The following HMCN1 variants were observed in gnomAD, a reference collection of about 807,000 sequenced individuals.
The protein encoded by HMCN1 is hemicentin 1.
HMCN1 carries 321 observed loss-of-function variants against 625.9 expected under a neutral mutation model. That is an observed-to-expected ratio of 0.51 (90% CI 0.47 to 0.56). The LOEUF (loss-of-function observed/expected upper bound fraction) is 0.56. HMCN1 is among the 20% of genes least tolerant of loss of function. The pLI is 0.00. For missense variants in HMCN1, 6,588 were observed against 6,887.3 expected (o/e 0.96, Z 1.54); for synonymous variants, 2,425 against 2,417.6 (o/e 1.00, Z -0.09).
chr1:186,023,029 G>C lies in HMCN1; in HGVS notation c.5626-1G>C. On this transcript the variant is annotated splice_acceptor_variant, in intron 35 of 106. Coordinates refer to ENST00000271588, the MANE Select transcript of HMCN1 (RefSeq NM_031935.3). LOFTEE classifies it high-confidence loss of function. ...CCTCTGTGCTTTCTGCTCCCAATTA[G>C]ATACAGTCTTCTGGTCGAGTTCTAC... 6.2e-7 allele frequency: 1 copy of C among 1,613,204 alleles called. No homozygotes were observed. The highest frequency in any genetic ancestry group is 8.5e-7 in the Non-Finnish European group (1 of 1,179,410).
chr1:186,045,825 C>T lies in HMCN1; in HGVS notation c.6442C>T (p.Pro2148Ser), dbSNP rs776707287. 6.2e-6 allele frequency: 10 copies of T among 1,612,644 alleles called. No individual in the cohort carries two copies. The highest frequency in any genetic ancestry group is 8.5e-6 in the Non-Finnish European group (10 of 1,178,872). Residue 2148 changes from proline to serine, a missense_variant, in exon 41 of 107, where the codon CCA (proline) becomes TCA (serine). By Grantham distance (74) the Pro-to-Ser change is moderately conservative. Around this residue, in one of 3 missense-constraint regions of HMCN1, gnomAD observed 4,628 missense variants for 4,853.1 expected, o/e 0.95. Coordinates refer to ENST00000271588, the MANE Select transcript of HMCN1 (RefSeq NM_031935.3). ...LKDGHPLLKK[P>S]GLSISENRSV... ...AGACGGCCACCCCTTGCTGAAGAAA[C>T]CAGGCCTCAGTATATCTGAAAATAG...
rs146130611 is a variant in HMCN1, at chr1:185,953,603, A to G, written c.1829-8915A>G. On this transcript the variant is annotated intron_variant, in intron 11 of 106. Coordinates refer to ENST00000271588, the MANE Select transcript of HMCN1 (RefSeq NM_031935.3). ...AGGGAGGTTGGAGAAGAGAGTAAAA[A>G]GAGGCCACTTACTGGATTTGAAATT... 7.1e-3 allele frequency among the ~76,000 whole-genome samples: 1,081 copies of G among 152,016 alleles called. 49 individuals are homozygous for G. Among genetic ancestry groups the G allele is most frequent in the Admixed American group, 0.06 (916 of 15,274 alleles).
At chr1:185,854,716 A>G (rs908729402) in intron 2 of HMCN1, among the ~76,000 whole-genome samples, 6 of 152,010 alleles carry the variant, frequency 3.9e-5, no homozygotes, top group African/African-American at 1.4e-4. Context: ...TTATTTCATC[A>G]TTTTTTAAAT....
chr1:185,866,397 A>ATTTTTT (rs969071873), intron 4 of HMCN1, among the ~76,000 whole-genome samples: 14 of 102,594 alleles, frequency 1.4e-4, no homozygotes, highest in Non-Finnish European at 2.2e-4. Flanking sequence ...GTTTGTCATA[A>ATTTTTT]TTTTTTTTTT....
At chr1:185,932,670 G>C (rs531903214) in intron 10 of HMCN1, among the ~76,000 whole-genome samples, 1 of 151,996 alleles carries the variant, frequency 6.6e-6, no homozygotes, top group Non-Finnish European at 1.5e-5. Context: ...GTTGAACGAT[G>C]AGAACACGTG....
At chr1:186,133,050 A>G (rs1168286626) in intron 86 of HMCN1, among the ~76,000 whole-genome samples, 1 of 152,132 alleles carries the variant, frequency 6.6e-6, no homozygotes, top group Non-Finnish European at 1.5e-5. Context: ...ATTGTTGGAC[A>G]TTTGGGTTGG....
In HMCN1 at chr1:186,189,681, A is replaced by G. The variant is rs1299679218; in HGVS notation, c.16711A>G (p.Met5571Val). ...GATGCATCCCAGGACAACTTTCCTCATGGTAGATGAGGAACAGACTGTTCC... is the reference window on the plus strand; with the variant it reads ...GATGCATCCCAGGACAACTTTCCTCGTGGTAGATGAGGAACAGACTGTTCC... Reference protein sequence around the residue: ...GVMHPRTTFLMVDEEQTVPFA... With the variant: ...GVMHPRTTFLVVDEEQTVPFA... Residue 5571 changes from methionine (M) to valine (V), a missense_variant, in exon 107 of 107, where the codon ATG becomes GTG. Physicochemically the swap from Met to Val is conservative, Grantham distance 21. This residue lies in a region of HMCN1 where 1,954 missense variants were observed against 2,013.1 expected (regional missense o/e 0.97). Transcript: ENST00000271588. 7 of 1,612,338 alleles carry G rather than the reference A, an allele frequency of 4.3e-6. No individual in the cohort carries two copies. The highest frequency in any genetic ancestry group is 2.2e-5 in the East Asian group (1 of 44,826).
chr1:185,959,530 A>C (rs192086433), intron 11 of HMCN1, among the ~76,000 whole-genome samples: 102 of 152,256 alleles, frequency 6.7e-4, no homozygotes, highest in African/African-American at 1.9e-3. Context: ...TTTTGTTATA[A>C]TTAAATAAAA....
At chr1:185,784,225 G>T (rs1294474232) in intron 1 of HMCN1, among the ~76,000 whole-genome samples, 1 of 152,168 alleles carries the variant, frequency 6.6e-6, no homozygotes, top group Non-Finnish European at 1.5e-5. Flanking sequence ...GGATGGGAGT[G>T]ACCCAATTTT....
At chr1:185,785,786 A>G (rs1464123806) in intron 1 of HMCN1, among the ~76,000 whole-genome samples, 3 of 152,208 alleles carry the variant, frequency 2.0e-5, no homozygotes, top group Admixed American at 2.0e-4. Flanking sequence ...AAAATCAAAC[A>G]TGTCATTGAC....
chr1:185,958,868 A>G (rs1048885624), intron 11 of HMCN1, among the ~76,000 whole-genome samples: 1 of 152,226 alleles, frequency 6.6e-6, no homozygotes, highest in Admixed American at 6.5e-5. Flanking sequence ...TGGTGGGTCT[A>G]GAGTTAGATA....
At chr1:185,883,329 A>G (rs368762434) in intron 4 of HMCN1, among the ~76,000 whole-genome samples, 3 of 152,174 alleles carry the variant, frequency 2.0e-5, no homozygotes, top group South Asian at 2.1e-4. Flanking sequence ...TGACAAATGT[A>G]TATGCTTATG....
At position 185,965,834 on chromosome 1, in the gene HMCN1, C is replaced by T. The variant is rs148678216; in HGVS notation, c.2131C>T (p.Leu711Phe). ...APKLMVVQSE[L>F]LVALGDITVM... ...TAAGTTGATGGTAGTTCAGAGTGAG[C>T]TCTTGGTTGCCCTTGGGGATATAAC... Residue 711 changes from leucine (L) to phenylalanine (F), a missense_variant, in exon 14 of 107, where the codon CTC (leucine) becomes TTC (phenylalanine). Physicochemically the swap from Leu to Phe is conservative, Grantham distance 22. Coordinates refer to ENST00000271588, the MANE Select transcript of HMCN1 (RefSeq NM_031935.3). 3 of 1,611,990 alleles carry T rather than the reference C, an allele frequency of 1.9e-6. No homozygotes were observed. The highest frequency in any genetic ancestry group is 1.3e-5 in the African/African-American group (1 of 74,772).
At chr1:186,113,049 C>T in intron 72 of HMCN1, 96 bp downstream of exon 72, 1 of 1,419,834 alleles carries the variant, frequency 7.0e-7, no homozygotes, top group South Asian at 1.2e-5. Context: ...TAAATGAAGC[C>T]TTGTGCTTAT....
intron 4 of HMCN1, among the ~76,000 whole-genome samples, chr1:185,898,307 C>T (rs1185648239): frequency 6.6e-6 from 1 of 152,054 alleles, no homozygotes; most frequent in Non-Finnish European, 1.5e-5. Context: ...CTTCACTACC[C>T]ACAGGAAGGA....
At chr1:185,776,442 TTGTGTGTGTGTGTGTGTGTG>T (rs57003461) in intron 1 of HMCN1, among the ~76,000 whole-genome samples, 1 of 146,986 alleles carries the variant, frequency 6.8e-6, no homozygotes, top group Non-Finnish European at 1.5e-5. Context: ...TTGTATAGGG[TTGTGTGTGTGTGTGTGTGTG>T]TGTGTGTGTG....
chr1:185,949,560 G>A (rs1451721726), intron 11 of HMCN1, among the ~76,000 whole-genome samples: 2 of 151,174 alleles, frequency 1.3e-5, no homozygotes, highest in East Asian at 3.9e-4. Context: ...GGGATATAAA[G>A]GTTTCACTGA....
intron 4 of HMCN1, among the ~76,000 whole-genome samples, chr1:185,905,402 C>A (rs1172861871): frequency 4.0e-5 from 6 of 151,556 alleles, no homozygotes; most frequent in Non-Finnish European, 8.9e-5. Flanking sequence ...GAAGGAAAGT[C>A]GGATAAAAAA....
intron 1 of HMCN1, among the ~76,000 whole-genome samples, chr1:185,774,719 A>T (rs61088604): frequency 0.048 from 7,327 of 152,206 alleles, 573 homozygotes; most frequent in African/African-American, 0.16. Context: ...AGTGGAATAG[A>T]TTAACTGGTA....
Sources: allele counts gnomAD v4.1 joint callset (sites outside exome capture counted in the v4.1 genomes callset), GRCh38; gene constraint gnomAD v4.1.1; regional missense constraint gnomAD v4.1.1; transcripts MANE v1.5; gene names NCBI Gene and HGNC (gene_info 2026-07-23, HGNC 2026-07-21).